Variants in XAB2 observed in about 807,000 individuals in gnomAD.
XAB2 encodes the protein XPA binding protein 2, also known as pre-mRNA-splicing factor SYF1.
In XAB2, 57 loss-of-function variants were observed where a neutral mutation model predicts 113.4. That is an observed-to-expected ratio of 0.50 (90% CI 0.41 to 0.63). XAB2 has a LOEUF of 0.63. Among genes scored for constraint, XAB2 ranks in the 20% least tolerant of loss-of-function variants. The pLI, the probability that XAB2 is intolerant of heterozygous loss-of-function variation, is 0.00. For missense variants in XAB2, 1,037 were observed against 1,233.3 expected, an observed-to-expected ratio of 0.84 and a Z score of 2.38; for synonymous variants, 497 against 498.8, an observed-to-expected ratio of 1.00 and a Z score of 0.05.
Position 7,626,798 on chromosome 19 carries a change from G to C in XAB2, c.522+445C>G, listed in dbSNP as rs903794245. 2.0e-5 allele frequency among the ~76,000 whole-genome samples: 3 copies of C among 152,326 alleles called. No homozygotes were observed. The South Asian group carries it at 6.2e-4, about 32-fold the overall frequency. The stretch of plus-strand genomic sequence containing the variant: ...TCCAGCCTCAGTCCTGACTGGTCCA[G>C]CTTAGAATCCAAACGTCATAAAACA... On this transcript the variant is annotated intron_variant, in intron 4 of 18. Coordinates refer to ENST00000358368, the MANE Select transcript of XAB2 (RefSeq NM_020196.3).
chr19:7,623,651 A>G lies in XAB2; in HGVS notation c.1119+80T>C. ...CAAAGTCAGGCCCCTAGAAGGTGAC[A>G]TTATGGGTGAAGGTGGGTGGCTCCC... On this transcript the variant is annotated intron_variant, in intron 8 of 18. Coordinates refer to ENST00000358368, the MANE Select transcript of XAB2 (RefSeq NM_020196.3). The surrounding 1 kb of genome is among the most constrained non-coding windows in gnomAD (Gnocchi z 4.6). 3 of 1,504,396 alleles carry G rather than the reference A, an allele frequency of 2.0e-6. No individual in the cohort carries two copies. The South Asian group carries it at 3.9e-5, about 20-fold the overall frequency. The allele number at this position is 1,504,396 out of a possible 1,614,324, so 93.2% of individuals were successfully genotyped here.
At chr19:7,620,216 C>T in intron 16 of XAB2, 59 bp downstream of exon 16, 2 of 1,607,420 alleles carry the variant, frequency 1.2e-6, no homozygotes, top group Non-Finnish European at 1.7e-6. Context: ...CCGGAAAGCC[C>T]AGGTCAGGCC....
chr19:7,627,666 C>T lies in XAB2; in HGVS notation c.324+62G>A. The T allele has an allele frequency of 1.3e-6, 2 of 1,595,132 alleles. No homozygotes were observed. Among genetic ancestry groups the T allele is most frequent in the Non-Finnish European group, 1.7e-6 (2 of 1,166,752 alleles). ...ATGCTGAGCCCAGCCCCTGTCCCCG[C>T]CCCACCCACCACCATGGACTGAGCT... On this transcript the variant is annotated intron_variant, in intron 3 of 18. Transcript: ENST00000358368. The surrounding 1 kb of genome is among the most constrained non-coding windows in gnomAD (Gnocchi z 4.5).
At position 7,622,912 on chromosome 19, in the gene XAB2, G is replaced by A. The variant is rs1381994918; in HGVS notation, c.1240-19C>T. ...CACGGGCCTGCCGGGGCGGGCAGAGGCGAGGCTGAGACCCTGCCCACCTGG... is the reference window on the plus strand; with the variant it reads ...CACGGGCCTGCCGGGGCGGGCAGAGACGAGGCTGAGACCCTGCCCACCTGG... On this transcript the variant is annotated intron_variant, in intron 9 of 18. Transcript: ENST00000358368. 1.2e-6 allele frequency: 2 copies of A among 1,611,708 alleles called. No individual in the cohort carries two copies. Among genetic ancestry groups the A allele is most frequent in the Non-Finnish European group, 1.7e-6 (2 of 1,179,196 alleles).
At position 7,628,002 on chromosome 19, in the gene XAB2, G is replaced by C; in HGVS notation, c.200+148C>G. ...GACAGGGACAGACTGGGACATCAGA[G>C]AAGGTGTGCTGACCCATCAAGGGAT... On this transcript the variant is annotated intron_variant, in intron 2 of 18. Coordinates refer to ENST00000358368, the MANE Select transcript of XAB2 (RefSeq NM_020196.3). This position sits in a 1 kb window ranked among gnomAD's most constrained non-coding sequence, Gnocchi z 4.6. 6.9e-7 allele frequency: 1 copy of C among 1,459,754 alleles called. No individual in the cohort carries two copies. The allele number at this position is 1,459,754 out of a possible 1,614,324, so 90.4% of individuals were successfully genotyped here.
chr19:7,626,116 C>G lies in XAB2; in HGVS notation c.657+20G>C. The G allele has an allele frequency of 6.2e-7, 1 of 1,612,920 alleles. No individual in the cohort carries two copies. The highest frequency in any genetic ancestry group is 8.5e-7 in the Non-Finnish European group (1 of 1,179,506). On this transcript the variant is annotated intron_variant, in intron 5 of 18. Transcript: ENST00000358368. ...AGGGGGTGGCCCTCCCACCCAGTTG[C>G]CGGCTCCCGGCAGGCCCACCTGGTA...
At position 7,620,414 on chromosome 19, in the gene XAB2, G is replaced by C. The variant is rs1298308378; in HGVS notation, c.2127C>G (p.Asp709Glu). The C allele has an allele frequency of 6.2e-7, 1 of 1,610,504 alleles. No homozygotes were observed. Among genetic ancestry groups the C allele is most frequent in the Non-Finnish European group, 8.5e-7 (1 of 1,179,344 alleles). Residue 709 changes from aspartate to glutamate, a missense_variant, in exon 16 of 19, where the codon GAC (aspartate) becomes GAG (glutamate). Coordinates refer to ENST00000358368, the MANE Select transcript of XAB2 (RefSeq NM_020196.3). ...CCTCATTGCCATGCCGGACCTCAAA[G>C]TCCTTCCACGTCTGCCAGAACGCGC... Reference protein sequence around the residue: ...TTGAFWQTWKDFEVRHGNEDT... With the variant: ...TTGAFWQTWKEFEVRHGNEDT...
intron 13 of XAB2, 40 bp downstream of exon 13, chr19:7,621,095 G>GGCCCCCCCCCCCCCCCCCCCCCCCCCCCC: frequency 1.3e-6 from 2 of 1,486,310 alleles, no homozygotes; most frequent in Non-Finnish European, 9.0e-7. Context: ...CAGAAACCCA[G>GGCCCCCCCCCCCCCCCCCCCCCCCCCCCC]CCCGCCCGCC....
Position 7,628,209 on chromosome 19 carries a change from G to A in XAB2, c.141C>T (p.Gly47=), listed in dbSNP as rs574034608. 2.1e-5 allele frequency: 34 copies of A among 1,614,074 alleles called. No individual in the cohort carries two copies. Among genetic ancestry groups the A allele is most frequent in the Admixed American group, 1.0e-4 (6 of 60,014 alleles). ...CWLRYIEFKQ[G]APKPRLNQLY... ...GCTGATTGAGCCTGGGCTTCGGGGC[G>A]CCCTGTTTGAACTCGATGTAGCGAA... Residue 47 remains glycine (G), a synonymous_variant, in exon 2 of 19, where the codon GGC becomes GGT. Coordinates refer to ENST00000358368, the MANE Select transcript of XAB2 (RefSeq NM_020196.3). The surrounding 1 kb of genome is among the most constrained non-coding windows in gnomAD (Gnocchi z 4.6).
chr19:7,626,925 A>G (rs1303854380), intron 4 of XAB2, among the ~76,000 whole-genome samples: 1 of 152,032 alleles, frequency 6.6e-6, no homozygotes, highest in African/African-American at 2.4e-5. Flanking sequence ...GGCCCTCTTC[A>G]TGGCTGTGGT....
chr19:7,621,620 CCT>C (rs139439529), intron 12 of XAB2: 161 of 391,228 alleles, frequency 4.1e-4, no homozygotes, highest in African/African-American at 2.3e-3. Flanking sequence ...GGCCGCACCC[CCT>C]GACAGAGGGG....
chr19:7,621,335 G>A (rs1845239082), intron 12 of XAB2, 38 bp from the exon 13 acceptor site: 2 of 1,603,618 alleles, frequency 1.2e-6, no homozygotes, highest in Non-Finnish European at 1.7e-6. Context: ...AGAGTCTGCA[G>A]ATAGAGACCA....
rs189541651 is a variant in XAB2, at chr19:7,621,627, G to A, written c.1618-330C>T. 4.5e-4 allele frequency: 171 copies of A among 378,182 alleles called. 2 individuals are homozygous for A. The Admixed American group carries it at 6.2e-3, about 14-fold the overall frequency. The allele number at this position is 378,182 out of a possible 1,614,324, so 23.4% of individuals were successfully genotyped here. A position where few individuals can be genotyped will look rare whatever the true frequency, so the allele number is the denominator to read the frequency against. ...AGGGAGAAGGCCGCACCCCCTGACA[G>A]AGGGGCAGGCAGTAGCACGCGTATG... On this transcript the variant is annotated intron_variant, in intron 12 of 18. Transcript: ENST00000358368.
At chr19:7,620,228 G>C in intron 16 of XAB2, 47 bp downstream of exon 16, 1 of 1,609,534 alleles carries the variant, frequency 6.2e-7, no homozygotes, top group Admixed American at 1.7e-5. Context: ...GGTCAGGCCG[G>C]GCTGAGATGC....
At chr19:7,622,707 T>G in intron 10 of XAB2, 46 bp from the exon 11 acceptor site, 1 of 1,612,768 alleles carries the variant, frequency 6.2e-7, no homozygotes, top group Non-Finnish European at 8.5e-7. Flanking sequence ...GGGCTGTCCC[T>G]GGCCCTTGCC....
In XAB2 at chr19:7,628,573, C is replaced by T. The variant is rs1382605606; in HGVS notation, c.52-275G>A. 1.3e-5 allele frequency among the ~76,000 whole-genome samples: 2 copies of T among 152,146 alleles called. No individual in the cohort carries two copies. The highest frequency in any genetic ancestry group is 6.5e-5 in the Admixed American group (1 of 15,280). ...TAGGGCTCTGGGCCAGGAATGAGTC[C>T]GCATCACCACTCGCTTTCTGCCCCA... On this transcript the variant is annotated intron_variant, in intron 1 of 18. Transcript: ENST00000358368. This position sits in a 1 kb window ranked among gnomAD's most constrained non-coding sequence, Gnocchi z 4.6.
chr19:7,622,967 T>C (rs1599371464), intron 9 of XAB2, 74 bp from the exon 10 acceptor site: 3 of 1,577,312 alleles, frequency 1.9e-6, no homozygotes, highest in East Asian at 2.3e-5. Flanking sequence ...GTCAGAAAGG[T>C]GACCATGCTC....
At position 7,628,844 on chromosome 19, in the gene XAB2, T is replaced by C. The variant is rs557606311; in HGVS notation, c.52-546A>G. Among the ~76,000 whole-genome samples the C allele has an allele frequency of 3.8e-3, 582 of 152,298 alleles. 3 individuals carry two copies. Among genetic ancestry groups the C allele is most frequent in the Non-Finnish European group, 7.1e-3 (480 of 68,022 alleles). Reference sequence around the variant, plus strand: ...CCCCAGGATCCCACTAGCCAGCGTCTAGCTCAACTCTGCCCCAGAAATTAA... The same window carrying C: ...CCCCAGGATCCCACTAGCCAGCGTCCAGCTCAACTCTGCCCCAGAAATTAA... On this transcript the variant is annotated intron_variant, in intron 1 of 18. Transcript: ENST00000358368. The surrounding 1 kb of genome is among the most constrained non-coding windows in gnomAD (Gnocchi z 4.6).
At position 7,625,843 on chromosome 19, in the gene XAB2, C is replaced by G. The variant is rs1193078620; in HGVS notation, c.822+37G>C. The G allele has an allele frequency of 6.4e-7, 1 of 1,565,712 alleles. No homozygotes were observed. Among genetic ancestry groups the G allele is most frequent in the South Asian group, 1.2e-5 (1 of 84,560 alleles). ...TGTCCCCGAGTGTCGGAGGGAGACC[C>G]CGCCCCGAACCCAGAGCCCCGTGTG... On this transcript the variant is annotated intron_variant, in intron 6 of 18. Transcript: ENST00000358368. This position sits in a 1 kb window ranked among gnomAD's most constrained non-coding sequence, Gnocchi z 5.2.
Sources: gnomAD v4.1 joint callset for allele counts (sites outside exome capture counted in the v4.1 genomes callset) on GRCh38, gnomAD v4.1.1 for gene constraint, Gnocchi (gnomAD v3.1) non-coding constraint, MANE v1.5 for transcripts, NCBI Gene and HGNC (gene_info 2026-07-23, HGNC 2026-07-21) for gene names.